RASAL1: variants seen among roughly 807,000 people sequenced by gnomAD.
RASAL1 encodes RAS protein activator like 1, also known as rasGAP-activating-like protein 1.
In RASAL1, 72 loss-of-function variants were observed where a neutral mutation model predicts 96.6. The ratio of observed to expected loss-of-function variants is 0.75; its 90% CI spans 0.62 to 0.91. The LOEUF (loss-of-function observed/expected upper bound fraction) is 0.91. RASAL1 is among the 40% of genes least tolerant of loss of function. The pLI is 0.00. For missense variants in RASAL1, 1,016 were observed against 1,072.5 expected, an observed-to-expected ratio of 0.95 and a Z score of 0.74; for synonymous variants, 405 against 430.4, an observed-to-expected ratio of 0.94 and a Z score of 0.73.
chr12:113,131,124 G>T (rs1345045163), intron 1 of RASAL1, among the ~76,000 whole-genome samples, 183 bp from the exon 2 acceptor site: 1 of 152,070 alleles, frequency 6.6e-6, no homozygotes, highest in African/African-American at 2.4e-5. Context: ...TGTCACAGCT[G>T]CCCAGGCCAC....
chr12:113,128,867 C>G (rs148053243), intron 2 of RASAL1, among the ~76,000 whole-genome samples: 5 of 152,180 alleles, frequency 3.3e-5, no homozygotes, highest in Admixed American at 6.5e-5. Context: ...GTCGGGAACA[C>G]AGAGACACAC....
intron 13 of RASAL1, among the ~76,000 whole-genome samples, chr12:113,110,155 G>A (rs1352008787): frequency 2.0e-5 from 3 of 152,186 alleles, no homozygotes; most frequent in Non-Finnish European, 2.9e-5. Context: ...AAGGTGAGGT[G>A]TAAGCCAAGC....
At chr12:113,134,420 C>A (rs1951836889) in intron 1 of RASAL1, among the ~76,000 whole-genome samples, 1 of 152,164 alleles carries the variant, frequency 6.6e-6, no homozygotes, top group African/African-American at 2.4e-5. Flanking sequence ...TCCTGCTCAC[C>A]TGGGCCACAG....
At chr12:113,125,423 TG>T (rs1335890859) in intron 4 of RASAL1, among the ~76,000 whole-genome samples, 2 of 151,848 alleles carry the variant, frequency 1.3e-5, no homozygotes, top group Admixed American at 6.6e-5. Context: ...AACAACCTAG[TG>T]GGGGGAAATT....
At chr12:113,104,139 C>A in intron 17 of RASAL1, 22 bp downstream of exon 17, 1 of 1,595,408 alleles carries the variant, frequency 6.3e-7, no homozygotes. Context: ...GCCCCCCGCT[C>A]CCCATCGCGG....
Position 113,108,127 on chromosome 12 carries a change from G to A in RASAL1, c.1470C>T (p.His490=). 1.2e-6 allele frequency: 2 copies of A among 1,613,812 alleles called. No homozygotes were observed. Among genetic ancestry groups the A allele is most frequent in the African/African-American group, 1.3e-5 (1 of 75,026 alleles). The change falls in exon 14 of 21, where the codon CAC becomes CAT. Residue 490 remains histidine, a synonymous_variant. Transcript: ENST00000548055. ...TPKLFDLRDQ[H]ADPQTSRSLL... ...GTGAGCGGCTAGTCTGGGGGTCCGC[G>A]TGTTGGTCCCGAAGGTCAAACAGCT...
rs1950553985 is a variant in RASAL1, at chr12:113,103,990, A to C, written c.2060T>G (p.Phe687Cys). ...NKLAACHPGA[F>C]RSARWTCCLQ... ...GCAGCAGGTCCAGCGCGCGCTGCGG[A>C]AGGCACCGGGGTGGCAGGCGGCCAG... The change falls in exon 18 of 21, where the codon TTC (phenylalanine) becomes TGC (cysteine). Residue 687 changes from phenylalanine to cysteine, a missense_variant. Physicochemically the swap from Phe to Cys is radical, Grantham distance 205. Transcript: ENST00000548055. 2.5e-6 allele frequency: 4 copies of C among 1,571,622 alleles called. No homozygotes were observed. The highest frequency in any genetic ancestry group is 3.5e-6 in the Non-Finnish European group (4 of 1,157,770).
At chr12:113,117,303 C>T in intron 7 of RASAL1, 142 bp from the exon 8 acceptor site, 1 of 528,458 alleles carries the variant, frequency 1.9e-6, no homozygotes, top group South Asian at 3.1e-5. Context: ...CTCCTTCTCT[C>T]CTACAAGTCC....
intron 2 of RASAL1, 97 bp from the exon 3 acceptor site, chr12:113,128,275 C>CACACAT: frequency 1.4e-6 from 1 of 706,180 alleles, no homozygotes; most frequent in East Asian, 2.6e-5. Context: ...CACACACACA[C>CACACAT]ACACACGGGA....
At chr12:113,125,880 A>G (rs1951461965) in intron 4 of RASAL1, among the ~76,000 whole-genome samples, 1 of 152,242 alleles carries the variant, frequency 6.6e-6, no homozygotes, top group Admixed American at 6.5e-5. Context: ...AGCCAAATAA[A>G]CAATGGTAAA....
chr12:113,100,130 G>T, intron 20 of RASAL1, 62 bp from the exon 21 acceptor site: 1 of 1,481,072 alleles, frequency 6.8e-7, no homozygotes, highest in South Asian at 1.3e-5. Context: ...CTGTAACCCG[G>T]ACCCAATGGT....
At position 113,130,761 on chromosome 12, in the gene RASAL1, C is replaced by T; in HGVS notation, c.122+124G>A. On this transcript the variant is annotated intron_variant, in intron 2 of 20. Coordinates refer to ENST00000548055, the MANE Select transcript of RASAL1 (RefSeq NM_001301202.2). This position sits in a 1 kb window ranked among gnomAD's most constrained non-coding sequence, Gnocchi z 5.1. ...TCCCAGCTGGACACAAATCACCCAC[C>T]TGCAGGCCCGCGAGTCCCCCTCAGG... 1.3e-6 allele frequency: 1 copy of T among 749,376 alleles called. No individual in the cohort carries two copies. Among genetic ancestry groups the T allele is most frequent in the South Asian group, 1.8e-5 (1 of 54,864 alleles). The allele number at this position is 749,376 out of a possible 1,614,324, so 46.4% of individuals were successfully genotyped here.
chr12:113,107,054 A>G, intron 15 of RASAL1, 43 bp downstream of exon 15: 1 of 1,575,754 alleles, frequency 6.3e-7, no homozygotes, highest in Non-Finnish European at 8.6e-7. Context: ...TGGTGTCTCA[A>G]CTGGGCTGAG....
intron 8 of RASAL1, among the ~76,000 whole-genome samples, chr12:113,116,401 T>C (rs1218100828): frequency 1.3e-5 from 2 of 151,680 alleles, no homozygotes; most frequent in African/African-American, 4.8e-5. Context: ...AAGATGCCCT[T>C]ATGGAAGAGC....
At chr12:113,109,562 C>G (rs768736630) in intron 13 of RASAL1, among the ~76,000 whole-genome samples, 17 of 152,152 alleles carry the variant, frequency 1.1e-4, no homozygotes, top group Non-Finnish European at 2.4e-4. Flanking sequence ...CATCTTGCTC[C>G]CCCCAAACCA....
At chr12:113,109,964 T>C (rs1043586682) in intron 13 of RASAL1, among the ~76,000 whole-genome samples, 4 of 152,212 alleles carry the variant, frequency 2.6e-5, no homozygotes, top group African/African-American at 9.6e-5. Flanking sequence ...CCGGAGGAAG[T>C]CCCTGCTCCA....
At chr12:113,106,246 C>A (rs981906873) in intron 15 of RASAL1, among the ~76,000 whole-genome samples, 2 of 152,148 alleles carry the variant, frequency 1.3e-5, no homozygotes, top group Non-Finnish European at 2.9e-5. Context: ...CCCACCCCAG[C>A]ACCATAGGGA....
chr12:113,112,071 C>T lies in RASAL1; in HGVS notation c.1374+15G>A, dbSNP rs1950882053. The T allele has an allele frequency of 8.1e-7, 1 of 1,237,576 alleles. No homozygotes were observed. Among genetic ancestry groups the T allele is most frequent in the Non-Finnish European group, 1.0e-6 (1 of 988,832 alleles). The allele number at this position is 1,237,576 out of a possible 1,614,324, so 76.7% of individuals were successfully genotyped here. A position where few individuals can be genotyped will look rare whatever the true frequency, so the allele number is the denominator to read the frequency against. ...TCCGGCCTGTCCCCAGCCTCAGCCT[C>T]CCATCCTGGCGCACCTGGTGCTCGG... On this transcript the variant is annotated intron_variant, in intron 13 of 20. Transcript: ENST00000548055.
chr12:113,126,094 G>A (rs1005683560), intron 4 of RASAL1, among the ~76,000 whole-genome samples: 4 of 151,968 alleles, frequency 2.6e-5, no homozygotes, highest in African/African-American at 9.7e-5. Context: ...AGACCAGCCC[G>A]GCCAACATGG....
Sources: gnomAD v4.1 joint callset for allele counts (sites outside exome capture counted in the v4.1 genomes callset) on GRCh38, gnomAD v4.1.1 for gene constraint, Gnocchi (gnomAD v3.1) non-coding constraint, MANE v1.5 for transcripts, NCBI Gene and HGNC (gene_info 2026-07-23, HGNC 2026-07-21) for gene names.